The following LIPI variants were observed in gnomAD, a reference collection of about 807,000 sequenced individuals.
The protein encoded by LIPI is lipase I.
In LIPI, 59 loss-of-function variants were observed where a neutral mutation model predicts 50.6. That is an observed-to-expected ratio of 1.16 (90% CI 0.94 to 1.45). The LOEUF is 1.45. Ranked by LOEUF, LIPI falls within the 40% of genes most tolerant of loss-of-function variation. The pLI is 0.00. For missense variants in LIPI, 586 were observed against 536.3 expected, an observed-to-expected ratio of 1.09 and a Z score of -0.92; for synonymous variants, 203 against 178.2, an observed-to-expected ratio of 1.14 and a Z score of -1.11.
chr21:14,109,890 A>C (rs2016333691), intron 9 of LIPI, among the ~76,000 whole-genome samples: 1 of 151,810 alleles, frequency 6.6e-6, no homozygotes, highest in South Asian at 2.1e-4. Context: ...CACTGTCATG[A>C]ATTTTGATAT....
intron 1 of LIPI, among the ~76,000 whole-genome samples, chr21:14,189,755 A>T (rs2019601676): frequency 6.6e-6 from 1 of 152,166 alleles, no homozygotes; most frequent in South Asian, 2.1e-4. Context: ...ATTGATTATA[A>T]ACTTTAACAA....
chr21:14,118,666 T>C (rs542702351), intron 9 of LIPI, among the ~76,000 whole-genome samples: 5 of 152,282 alleles, frequency 3.3e-5, no homozygotes, highest in African/African-American at 1.2e-4. Flanking sequence ...ATAGTGTGGC[T>C]GAAAGAGAAA....
intron 1 of LIPI, among the ~76,000 whole-genome samples, chr21:14,194,606 A>G (rs1331394902): frequency 1.3e-5 from 2 of 152,182 alleles, no homozygotes; most frequent in African/African-American, 2.4e-5. Context: ...AAATTTATAG[A>G]GACGGAAAGT....
At chr21:14,208,355 T>G (rs1018098177) in intron 1 of LIPI, among the ~76,000 whole-genome samples, 12 of 152,148 alleles carry the variant, frequency 7.9e-5, no homozygotes, top group Non-Finnish European at 2.9e-5. Context: ...ATACTACAAG[T>G]TCTGTGACTT....
chr21:14,139,120 C>T (rs1260624865), intron 9 of LIPI, among the ~76,000 whole-genome samples: 14 of 151,908 alleles, frequency 9.2e-5, no homozygotes, highest in Admixed American at 9.2e-4. Flanking sequence ...GAGGATAGGG[C>T]CAGAAGTATT....
At position 14,172,730 on chromosome 21, in the gene LIPI, G is replaced by C. The variant is rs9977489; in HGVS notation, c.644-6279C>G. Among the ~76,000 whole-genome samples, 47 of 151,568 alleles carry C rather than the reference G, an allele frequency of 3.1e-4. 1 individual carries two copies. The highest frequency in any genetic ancestry group is 9.9e-4 in the African/African-American group (41 of 41,268). On this transcript the variant is annotated intron_variant, in intron 4 of 9. Coordinates refer to ENST00000681601, the MANE Select transcript of LIPI (RefSeq NM_001302998.2). ...GGGGACTGTTGTGGGGTGGGGGAAG[G>C]GGGGAGGGATAGCACTAGGAGATAT... is the stretch of plus-strand genomic sequence containing the variant.
chr21:14,190,155 C>T (rs2019622658), intron 1 of LIPI, among the ~76,000 whole-genome samples: 1 of 152,058 alleles, frequency 6.6e-6, no homozygotes, highest in African/African-American at 2.4e-5. Context: ...TATTAACTAT[C>T]TATCTATATA....
intron 1 of LIPI, among the ~76,000 whole-genome samples, chr21:14,210,053 T>C (rs992774160): frequency 1.3e-5 from 2 of 152,004 alleles, no homozygotes; most frequent in Non-Finnish European, 2.9e-5. Flanking sequence ...TATTCAAGTA[T>C]GCATTAACAA....
chr21:14,195,648 G>A (rs371564130), intron 1 of LIPI, among the ~76,000 whole-genome samples: 3 of 152,136 alleles, frequency 2.0e-5, no homozygotes, highest in East Asian at 3.9e-4. Context: ...GTGATAAATT[G>A]GGCTTTTACA....
chr21:14,208,593 T>C (rs913774471), intron 1 of LIPI, among the ~76,000 whole-genome samples: 5 of 150,780 alleles, frequency 3.3e-5, no homozygotes, highest in Non-Finnish European at 7.4e-5. Flanking sequence ...CAAATTCAAA[T>C]GTGAGTGTCC....
At position 14,210,824 on chromosome 21, in the gene LIPI, A is replaced by T. The variant is rs1367487550; in HGVS notation, c.22T>A (p.Cys8Ser). Residue 8 changes from cysteine to serine, a missense_variant, in exon 1 of 10, where the codon TGT becomes AGT. Physicochemically the swap from Cys to Ser is moderately radical, Grantham distance 112. Coordinates refer to ENST00000681601, the MANE Select transcript of LIPI (RefSeq NM_001302998.2). ...CCAGATCTCACCCAGCACATCAAAC[A>T]AAGAAAAATGTATACTCTCATTTGG... MRVYIFL[C>S]LMCWVRSDNK... 1 of 1,231,948 alleles carries T rather than the reference A, an allele frequency of 8.1e-7. No homozygotes were observed. Among genetic ancestry groups the T allele is most frequent in the African/African-American group, 1.6e-5 (1 of 63,444 alleles). 76.3% of individuals were successfully genotyped at this position (1,231,948 alleles called of 1,614,324 possible). A position where few individuals can be genotyped will look rare whatever the true frequency, so the allele number is the denominator to read the frequency against.
rs1277485116 is a variant in LIPI, at chr21:14,183,545, A to T, written c.542-1686T>A. 2.0e-5 allele frequency among the ~76,000 whole-genome samples: 3 copies of T among 152,334 alleles called. No homozygotes were observed. In the South Asian group the frequency reaches 6.2e-4, roughly 32 times the overall value. On this transcript the variant is annotated intron_variant, in intron 3 of 9. Coordinates refer to ENST00000681601, the MANE Select transcript of LIPI (RefSeq NM_001302998.2). ...CCATCAGAGTGAACAGGCAACCTAT[A>T]GAATGGGAGAAAATTTTTGCAATCT... is the stretch of plus-strand genomic sequence containing the variant.
intron 9 of LIPI, among the ~76,000 whole-genome samples, chr21:14,140,257 A>C (rs1359895306): frequency 6.6e-6 from 1 of 152,136 alleles, no homozygotes; most frequent in Non-Finnish European, 1.5e-5. Context: ...GTAGGAACAA[A>C]GAGATTTCAT....
chr21:14,205,448 T>A lies in LIPI; in HGVS notation c.46+5352A>T, dbSNP rs186026066. On this transcript the variant is annotated intron_variant, in intron 1 of 9. Transcript: ENST00000681601. ...TACACATGAACCATATGAATATATA[T>A]TTCTGCATATATAGCCCATATTTAT... Among the ~76,000 whole-genome samples the A allele has an allele frequency of 4.1e-3, 629 of 152,086 alleles. 1 individual carries two copies. The highest frequency in any genetic ancestry group is 0.017 in the Middle Eastern group (5 of 294).
chr21:14,119,264 T>C (rs2080837177), intron 9 of LIPI, among the ~76,000 whole-genome samples: 1 of 152,166 alleles, frequency 6.6e-6, no homozygotes. Context: ...CTGCCATACA[T>C]AGATGATTTG....
At chr21:14,176,861 C>A (rs953492387) in intron 4 of LIPI, among the ~76,000 whole-genome samples, 12 of 151,732 alleles carry the variant, frequency 7.9e-5, no homozygotes, top group African/African-American at 2.7e-4. Context: ...CATATGTATA[C>A]ATGTGCCATG....
intron 4 of LIPI, among the ~76,000 whole-genome samples, chr21:14,176,132 C>T (rs185718867): frequency 1.6e-3 from 233 of 147,762 alleles, no homozygotes; most frequent in African/African-American, 5.7e-3. Flanking sequence ...GAGCTGAGAT[C>T]GCGCCACTGC....
Position 14,158,582 on chromosome 21 carries a change from A to G in LIPI, c.1006+4837T>C, listed in dbSNP as rs150441908. On this transcript the variant is annotated intron_variant, in intron 7 of 9. Coordinates refer to ENST00000681601, the MANE Select transcript of LIPI (RefSeq NM_001302998.2). ...TAGAAGAAAAGATGTGTGTGTAGAA[A>G]TATATATTTTATATATATATTAAAA... Among the ~76,000 whole-genome samples, 8 of 148,958 alleles carry G rather than the reference A, an allele frequency of 5.4e-5. No individual in the cohort carries two copies. In the East Asian group the frequency reaches 1.6e-3, roughly 29 times the overall value.
At chr21:14,143,297 T>G (rs1306913672) in intron 9 of LIPI, among the ~76,000 whole-genome samples, 2 of 152,188 alleles carry the variant, frequency 1.3e-5, no homozygotes, top group Non-Finnish European at 2.9e-5. Flanking sequence ...GCCGAAAATG[T>G]TCAGATATTT....
Sources: gnomAD v4.1 joint callset for allele counts (sites outside exome capture counted in the v4.1 genomes callset) on GRCh38, gnomAD v4.1.1 for gene constraint, MANE v1.5 for transcripts, NCBI Gene and HGNC (gene_info 2026-07-23, HGNC 2026-07-21) for gene names.